The following LYG1 variants were observed in gnomAD, a reference collection of about 807,000 sequenced individuals.
LYG1 encodes the protein lysozyme g1, also known as lysozyme g-like protein 1.
A neutral mutation model predicts 21.7 loss-of-function variants in LYG1; 17 were observed. That is an observed-to-expected ratio of 0.78 (90% confidence interval 0.54 to 1.18). The LOEUF is 1.18. Ranked by LOEUF, LYG1 falls within the 50% of genes most tolerant of loss-of-function variation. The pLI is 0.00. For missense variants in LYG1, 211 were observed against 238.1 expected (o/e 0.89, Z 0.75); for synonymous variants, 81 against 87.4 (o/e 0.93, Z 0.41).
intron 1 of LYG1, among the ~76,000 whole-genome samples, chr2:99,298,767 A>G (rs1021680335): frequency 6.6e-6 from 1 of 151,004 alleles, no homozygotes; most frequent in Non-Finnish European, 1.5e-5. Context: ...AGAACTGAGA[A>G]CTCCTGTATG....
intron 5 of LYG1, among the ~76,000 whole-genome samples, chr2:99,285,172 A>G (rs530953187): frequency 4.1e-4 from 62 of 152,230 alleles, no homozygotes; most frequent in Admixed American, 3.6e-3. Context: ...GACGAGCCTC[A>G]GCAACATGGG....
chr2:99,290,405 T>A (rs370042917), intron 5 of LYG1, among the ~76,000 whole-genome samples: 1 of 152,220 alleles, frequency 6.6e-6, no homozygotes, highest in Non-Finnish European at 1.5e-5. Context: ...TCTTATCAGA[T>A]TATTGGATGG....
In LYG1 at chr2:99,298,354, G is replaced by A. The variant is rs1243578066; in HGVS notation, c.-33+105C>T. On this transcript the variant is annotated intron_variant, in intron 2 of 6. Coordinates refer to ENST00000308528, the MANE Select transcript of LYG1 (RefSeq NM_174898.3). ...ACAGCAAGGGGGTGTCAACAAGCTG[G>A]GGCAACAGGCCTGCCAGGCACACTG... 2.0e-5 allele frequency: 3 copies of A among 152,314 alleles called. No homozygotes were observed. In the South Asian group the frequency reaches 6.2e-4, roughly 32 times the overall value. The allele number at this position is 152,314 out of a possible 1,614,324, so 9.4% of individuals were successfully genotyped here.
intron 5 of LYG1, among the ~76,000 whole-genome samples, chr2:99,288,695 C>T (rs965872212): frequency 1.3e-5 from 2 of 151,986 alleles, no homozygotes; most frequent in African/African-American, 2.4e-5. Flanking sequence ...CAGCCTCCTG[C>T]GTAGCTGGGA....
Position 99,295,623 on chromosome 2 carries a change from C to T in LYG1, c.43+5G>A, listed in dbSNP as rs769262599. 2 of 1,614,184 alleles carry T rather than the reference C, an allele frequency of 1.2e-6. No individual in the cohort carries two copies. The highest frequency in any genetic ancestry group is 1.7e-6 in the Non-Finnish European group (2 of 1,180,036). On this transcript the variant is annotated splice_donor_5th_base_variant and intron_variant, in intron 3 of 6. Coordinates refer to ENST00000308528, the MANE Select transcript of LYG1 (RefSeq NM_174898.3). ...AAGTCATTTGTAAAAATCAGCCACA[C>T]TCACCCATCAGGGCAAGGAGGCCCA... is the stretch of plus-strand genomic sequence containing the variant.
intron 5 of LYG1, among the ~76,000 whole-genome samples, chr2:99,285,551 C>T (rs934010264): frequency 8.5e-5 from 13 of 152,160 alleles, no homozygotes; most frequent in African/African-American, 1.9e-4. Context: ...CTGAGACACG[C>T]GATGTATGTG....
chr2:99,286,593 A>G (rs905502967), intron 5 of LYG1, among the ~76,000 whole-genome samples: 1 of 152,006 alleles, frequency 6.6e-6, no homozygotes, highest in African/African-American at 2.4e-5. Flanking sequence ...AATCCCAGCT[A>G]CTCGGGAGGC....
chr2:99,299,136 A>T (rs932410657), intron 1 of LYG1, among the ~76,000 whole-genome samples: 1 of 152,002 alleles, frequency 6.6e-6, no homozygotes, highest in Admixed American at 6.6e-5. Context: ...CATGTTGGCC[A>T]GGCTGGTTGA....
At position 99,284,703 on chromosome 2, in the gene LYG1, CAGGGGT is replaced by C. The variant is rs754831295; in HGVS notation, c.445_450del (p.Thr149_Pro150del). 12 of 1,614,138 alleles carry C rather than the reference CAGGGGT, an allele frequency of 7.4e-6. No homozygotes were observed. The highest frequency in any genetic ancestry group is 3.3e-4 in the Middle Eastern group (2 of 6,054). On this transcript the variant is annotated inframe_deletion, in exon 6 of 7. Transcript: ENST00000308528. Reference sequence around the variant, plus strand: ...TTACACGTACCTCTCAGGTACTGGTCAGGGGTCCAGGTTGGAAACCTCCTCTGGATT... The same window carrying C: ...TTACACGTACCTCTCAGGTACTGGTCCCAGGTTGGAAACCTCCTCTGGATT...
In LYG1 at chr2:99,291,167, A is replaced by G. The variant is rs1338023189; in HGVS notation, c.333+70T>C. ...ATGCTGTGTTCTGTGAAGCTTTGCCATCATCCAAAAAACAAAGCAGTGGTG... is the reference window on the plus strand; with the variant it reads ...ATGCTGTGTTCTGTGAAGCTTTGCCGTCATCCAAAAAACAAAGCAGTGGTG... On this transcript the variant is annotated intron_variant, in intron 5 of 6. Coordinates refer to ENST00000308528, the MANE Select transcript of LYG1 (RefSeq NM_174898.3). 4.8e-6 allele frequency: 7 copies of G among 1,470,032 alleles called. No homozygotes were observed. In the African/African-American group the frequency reaches 9.7e-5, roughly 20 times the overall value. 91.1% of individuals were successfully genotyped at this position (1,470,032 alleles called of 1,614,324 possible). A position where few individuals can be genotyped will look rare whatever the true frequency, so the allele number is the denominator to read the frequency against.
At chr2:99,288,583 G>T (rs941746208) in intron 5 of LYG1, among the ~76,000 whole-genome samples, 2 of 151,416 alleles carry the variant, frequency 1.3e-5, no homozygotes, top group Admixed American at 6.6e-5. Flanking sequence ...TATTAATATT[G>T]TTAGAGGTAG....
chr2:99,295,618 C>A lies in LYG1; in HGVS notation c.43+10G>T. The A allele has an allele frequency of 1.9e-6, 3 of 1,614,088 alleles. No homozygotes were observed. The highest frequency in any genetic ancestry group is 2.5e-6 in the Non-Finnish European group (3 of 1,179,998). The stretch of plus-strand genomic sequence containing the variant: ...CTCCAAAGTCATTTGTAAAAATCAG[C>A]CACACTCACCCATCAGGGCAAGGAG... On this transcript the variant is annotated intron_variant, in intron 3 of 6. Transcript: ENST00000308528.
chr2:99,303,597 A>G (rs1439448958), upstream of LYG1, among the ~76,000 whole-genome samples: 1 of 152,156 alleles, frequency 6.6e-6, no homozygotes, highest in Non-Finnish European at 1.5e-5. Flanking sequence ...GGTCAGATTT[A>G]TGTTTTAAAA....
chr2:99,300,158 T>TAA (rs1221203211), intron 1 of LYG1, among the ~76,000 whole-genome samples: 1 of 152,220 alleles, frequency 6.6e-6, no homozygotes, highest in Non-Finnish European at 1.5e-5. Context: ...TTTAAGCTGT[T>TAA]ACGCTGCGTA....
chr2:99,301,475 GGGAA>G (rs1273625078), upstream of LYG1, among the ~76,000 whole-genome samples: 6 of 75,896 alleles, frequency 7.9e-5, no homozygotes, highest in Non-Finnish European at 1.5e-4. Context: ...AAGGGAGGAA[GGGAA>G]GGAAGAAAGA....
intron 2 of LYG1, among the ~76,000 whole-genome samples, chr2:99,296,621 G>A (rs1019161791): frequency 1.3e-5 from 2 of 152,042 alleles, no homozygotes; most frequent in Non-Finnish European, 1.5e-5. Context: ...CCTCCAAAGC[G>A]CCTCCCACCA....
chr2:99,303,742 A>T (rs2094160428), upstream of LYG1, among the ~76,000 whole-genome samples: 1 of 152,186 alleles, frequency 6.6e-6, no homozygotes, highest in Non-Finnish European at 1.5e-5. Context: ...CTGAAATCTC[A>T]TCTCAAATTG....
In LYG1 at chr2:99,288,816, C is replaced by T. The variant is rs541059644; in HGVS notation, c.333+2421G>A. Among the ~76,000 whole-genome samples, 333 of 152,144 alleles carry T rather than the reference C, an allele frequency of 2.2e-3. 1 individual carries two copies. The highest frequency in any genetic ancestry group is 7.5e-3 in the African/African-American group (310 of 41,494). On this transcript the variant is annotated intron_variant, in intron 5 of 6. Coordinates refer to ENST00000308528, the MANE Select transcript of LYG1 (RefSeq NM_174898.3). ...AACTCCTGACCTCAAATGATCCATC[C>T]GCCTCAGCCTCCCAAAGTGCTGGGA...
Position 99,290,420 on chromosome 2 carries a change from C to A in LYG1, c.333+817G>T, listed in dbSNP as rs563338716. On this transcript the variant is annotated intron_variant, in intron 5 of 6. Transcript: ENST00000308528. Reference sequence around the variant, plus strand: ...TCTTATCAGATTATTGGATGGGTCTCCAAATCGAAGTAAAATAAAGTATTT... The same window carrying A: ...TCTTATCAGATTATTGGATGGGTCTACAAATCGAAGTAAAATAAAGTATTT... Among the ~76,000 whole-genome samples the A allele has an allele frequency of 1.6e-4, 24 of 152,106 alleles. 1 individual carries two copies. In the South Asian group the frequency reaches 5.0e-3, roughly 32 times the overall value.
Sources: gnomAD v4.1 joint callset for allele counts (sites outside exome capture counted in the v4.1 genomes callset) on GRCh38, gnomAD v4.1.1 for gene constraint, MANE v1.5 for transcripts, NCBI Gene and HGNC (gene_info 2026-07-23, HGNC 2026-07-21) for gene names.